Variants in COX4I2 observed in about 807,000 individuals in gnomAD.
COX4I2 encodes the protein cytochrome c oxidase subunit 4I2.
A neutral mutation model predicts 20.8 loss-of-function variants in COX4I2; 15 were observed. The ratio of observed to expected loss-of-function variants is 0.72; its 90% CI spans 0.48 to 1.11. The LOEUF is 1.11. Among genes scored for constraint, COX4I2 ranks in the 50% most tolerant of loss-of-function variants. The probability of loss-of-function intolerance (pLI) is 0.00; values close to 1 mark genes in which losing one functional copy is unlikely to be tolerated. For missense variants in COX4I2, 224 were observed against 223.0 expected (o/e 1.00, Z -0.03); for synonymous variants, 80 against 78.1 (o/e 1.02, Z -0.13).
chr20:31,641,540 CACT>C (rs2060468126), intron 3 of COX4I2, among the ~76,000 whole-genome samples: 1 of 152,214 alleles, frequency 6.6e-6, no homozygotes, highest in East Asian at 1.9e-4. Context: ...GGCGTGCAGT[CACT>C]TACAGTGGTT....
rs201685557 is a variant in COX4I2, at chr20:31,644,795, C to T, written c.407C>T (p.Thr136Met). 7.4e-6 allele frequency: 12 copies of T among 1,614,100 alleles called. No homozygotes were observed. Among genetic ancestry groups the T allele is most frequent in the Admixed American group, 1.7e-5 (1 of 60,002 alleles). Residue 136 changes from threonine to methionine, a missense_variant, in exon 5 of 5, where the codon ACG (threonine) becomes ATG (methionine). Thr to Met is a moderately conservative substitution (Grantham distance 81). Coordinates refer to ENST00000376075, the MANE Select transcript of COX4I2 (RefSeq NM_032609.3). Reference sequence around the variant, plus strand: ...TTTCCTCCAAAGCCGATCACCTTGACGGACGAGCGGAAAGCCCAGCAGCTG... The same window carrying T: ...TTTCCTCCAAAGCCGATCACCTTGATGGACGAGCGGAAAGCCCAGCAGCTG... ...YVFPPKPITL[T>M]DERKAQQLQR...
chr20:31,639,239 T>G (rs1323551360), intron 2 of COX4I2, 140 bp downstream of exon 2: 2 of 1,526,818 alleles, frequency 1.3e-6, no homozygotes, highest in Non-Finnish European at 1.8e-6. Flanking sequence ...ATCCCACTCC[T>G]TGGTCCAAGG....
rs1484998 is a variant in COX4I2, at chr20:31,644,486, T to C, written c.380-282T>C. ...CCACAGACCACAGAGGTAGGTGAGG[T>C]GACTGAGTTGTGAAGGACCTTGGCC... On this transcript the variant is annotated intron_variant, in intron 4 of 4. Coordinates refer to ENST00000376075, the MANE Select transcript of COX4I2 (RefSeq NM_032609.3). Among the ~76,000 whole-genome samples, 11,553 of 152,084 alleles carry C rather than the reference T, an allele frequency of 0.076. 463 individuals carry two copies. Among genetic ancestry groups the C allele is most frequent in the Middle Eastern group, 0.11 (33 of 292 alleles).
chr20:31,639,287 A>G (rs1488281166), intron 2 of COX4I2, 188 bp downstream of exon 2: 1 of 985,184 alleles, frequency 1.0e-6, no homozygotes, highest in Non-Finnish European at 1.2e-6. Flanking sequence ...CGGGGTGAGC[A>G]GACAGTGGTC....
chr20:31,641,349 G>A (rs1469405407), intron 3 of COX4I2, among the ~76,000 whole-genome samples: 3 of 144,278 alleles, frequency 2.1e-5, no homozygotes, highest in African/African-American at 7.9e-5. Context: ...GGGTAACAAA[G>A]TGAGACCCTG....
At chr20:31,641,789 C>T (rs528500038) in intron 3 of COX4I2, among the ~76,000 whole-genome samples, 12 of 152,086 alleles carry the variant, frequency 7.9e-5, no homozygotes, top group Non-Finnish European at 1.5e-4. Flanking sequence ...AAATCTCTGC[C>T]TCCTGGGCTC....
intron 2 of COX4I2, 26 bp from the exon 3 acceptor site, chr20:31,639,907 C>T (rs1440581704): frequency 6.2e-7 from 1 of 1,613,650 alleles, no homozygotes; most frequent in East Asian, 2.2e-5. Context: ...GCAGCCTGGA[C>T]TCAGCTCCCT....
At chr20:31,642,050 C>T (rs944069006) in intron 3 of COX4I2, among the ~76,000 whole-genome samples, 1 of 152,080 alleles carries the variant, frequency 6.6e-6, no homozygotes, top group African/African-American at 2.4e-5. Context: ...AGCAGTCTCA[C>T]TATGGTTGCT....
Position 31,644,700 on chromosome 20 carries a change from T to C in COX4I2, c.380-68T>C. 4.4e-6 allele frequency: 7 copies of C among 1,590,282 alleles called. No individual in the cohort carries two copies. In the South Asian group the frequency reaches 4.5e-5, roughly 10 times the overall value. On this transcript the variant is annotated intron_variant, in intron 4 of 4. Transcript: ENST00000376075. ...TGCGAGTGGCTGGGAGGCTACAGGG[T>C]GGCTGGAGACCCTGGCTGGTGTAGG...
At position 31,639,834 on chromosome 20, in the gene COX4I2, G is replaced by T. The variant is rs534461556; in HGVS notation, c.83-99G>T. 91 of 1,355,428 alleles carry T rather than the reference G, an allele frequency of 6.7e-5. No individual in the cohort carries two copies. The South Asian group carries it at 1.0e-3, about 15-fold the overall frequency. 84.0% of individuals were successfully genotyped at this position (1,355,428 alleles called of 1,614,324 possible). On this transcript the variant is annotated intron_variant, in intron 2 of 4. Coordinates refer to ENST00000376075, the MANE Select transcript of COX4I2 (RefSeq NM_032609.3). ...GCCTCCCAAAATGCTAGGATTACAG[G>T]CATGAGCCACCAAGCCCGGCCACCT...
At chr20:31,643,267 C>A in intron 3 of COX4I2, 137 bp from the exon 4 acceptor site, 1 of 1,018,006 alleles carries the variant, frequency 9.8e-7, no homozygotes, top group Non-Finnish European at 1.5e-6. Context: ...GTCACCTGTT[C>A]CTGGTCATGC....
At chr20:31,639,122 C>A (rs2060452210) in intron 2 of COX4I2, 23 bp downstream of exon 2, 1 of 1,592,304 alleles carries the variant, frequency 6.3e-7, no homozygotes, top group African/African-American at 1.3e-5. Flanking sequence ...CTCCTTCCTC[C>A]CTGCCTAACT....
chr20:31,643,022 C>A (rs764129309), intron 3 of COX4I2, among the ~76,000 whole-genome samples: 8 of 152,186 alleles, frequency 5.3e-5, no homozygotes, highest in Non-Finnish European at 8.8e-5. Flanking sequence ...CATTTCACTC[C>A]AGCTACAGTG....
In COX4I2 at chr20:31,644,860, C is replaced by T. The variant is rs1363965752; in HGVS notation, c.472C>T (p.Leu158=). 43 of 1,613,948 alleles carry T rather than the reference C, an allele frequency of 2.7e-5. No individual in the cohort carries two copies. Among genetic ancestry groups the T allele is most frequent in the Non-Finnish European group, 3.5e-5 (41 of 1,180,012 alleles). Residue 158 remains leucine, a synonymous_variant, in exon 5 of 5, where the codon CTG becomes TTG. Coordinates refer to ENST00000376075, the MANE Select transcript of COX4I2 (RefSeq NM_032609.3). ...LDMKVNPVQG[L]ASRWDYEKKQ... is the part of the protein sequence containing the mutation. ...CATGAAGGTGAATCCTGTGCAGGGC[C>T]TGGCCTCCCGCTGGGACTATGAGAA...
chr20:31,639,997 A>G lies in COX4I2; in HGVS notation c.147A>G (p.Pro49=). The part of the protein sequence containing the change: ...NCYAQRYYPM[P]EEPFCTELNA... The stretch of plus-strand genomic sequence containing the variant: ...ATGCCCAGCGCTACTACCCCATGCC[A>G]GAAGAGCCCTTCTGCACAGAACTCA... Residue 49 remains proline (P), a synonymous_variant, in exon 3 of 5, where the codon CCA becomes CCG. Coordinates refer to ENST00000376075, the MANE Select transcript of COX4I2 (RefSeq NM_032609.3). 1 of 1,614,098 alleles carries G rather than the reference A, an allele frequency of 6.2e-7. No individual in the cohort carries two copies. The highest frequency in any genetic ancestry group is 8.5e-7 in the Non-Finnish European group (1 of 1,179,998).
rs771341248 is a variant in COX4I2, at chr20:31,644,862, G to A, written c.474G>A (p.Leu158=). 12 of 1,613,972 alleles carry A rather than the reference G, an allele frequency of 7.4e-6. No individual in the cohort carries two copies. The highest frequency in any genetic ancestry group is 9.3e-6 in the Non-Finnish European group (11 of 1,180,010). ...TGAAGGTGAATCCTGTGCAGGGCCT[G>A]GCCTCCCGCTGGGACTATGAGAAGA... ...LDMKVNPVQG[L]ASRWDYEKKQ... The change falls in exon 5 of 5, where the codon CTG becomes CTA. Residue 158 remains leucine, a synonymous_variant. Coordinates refer to ENST00000376075, the MANE Select transcript of COX4I2 (RefSeq NM_032609.3).
Position 31,644,649 on chromosome 20 carries a change from C to T in COX4I2, c.380-119C>T, listed in dbSNP as rs6120970. ...GCTCCTCAGTGCAAGATACTTCAAC[C>T]CTGGAGTATCTTGTACCGTCAGCCT... is the stretch of plus-strand genomic sequence containing the variant. On this transcript the variant is annotated intron_variant, in intron 4 of 4. Transcript: ENST00000376075. The T allele has an allele frequency of 0.2, 235,400 of 1,172,720 alleles. 27,935 individuals carry two copies. Among genetic ancestry groups the T allele is most frequent in the African/African-American group, 0.46 (30,300 of 66,054 alleles). 72.6% of individuals were successfully genotyped at this position (1,172,720 alleles called of 1,614,324 possible). A position where few individuals can be genotyped will look rare whatever the true frequency, so the allele number is the denominator to read the frequency against.
At chr20:31,638,480 C>CT (rs146973239) in intron 1 of COX4I2, among the ~76,000 whole-genome samples, 5 of 158 alleles carry the variant, frequency 0.032, no homozygotes, top group Admixed American at 0.15. Context: ...GCCCAGTCCC[C>CT]ACCCCAACCA....
chr20:31,643,701 A>T lies in COX4I2; in HGVS notation c.379+166A>T, dbSNP rs531565255. ...AGCATGGCTGTCTAGGTTTGAATGCAGGAACTTTACCTCTCTGGGCCTCAG... is the reference window on the plus strand; with the variant it reads ...AGCATGGCTGTCTAGGTTTGAATGCTGGAACTTTACCTCTCTGGGCCTCAG... On this transcript the variant is annotated intron_variant, in intron 4 of 4. Transcript: ENST00000376075. 5.9e-5 allele frequency among the ~76,000 whole-genome samples: 9 copies of T among 152,340 alleles called. No homozygotes were observed. The East Asian group carries it at 7.7e-4, about 13-fold the overall frequency.
Sources: gnomAD v4.1 joint callset for allele counts (sites outside exome capture counted in the v4.1 genomes callset) on GRCh38, gnomAD v4.1.1 for gene constraint, MANE v1.5 for transcripts, NCBI Gene and HGNC (gene_info 2026-07-23, HGNC 2026-07-21) for gene names.